Variants in PCDHA4 observed in about 807,000 individuals in gnomAD.
PCDHA4 encodes protocadherin alpha 4, also known as protocadherin alpha-4.
PCDHA4 carries 49 observed loss-of-function variants against 61.4 expected under a neutral mutation model. The observed-to-expected ratio is 0.80, with a 90% CI of 0.63 to 1.01. PCDHA4 has a LOEUF of 1.01. Ranked by LOEUF, PCDHA4 falls within the 50% of genes least tolerant of loss-of-function variation. PCDHA4 has a pLI of 0.00. For synonymous variants in PCDHA4, 590 were observed against 550.3 expected, an observed-to-expected ratio of 1.07 and a Z score of -1.01; for missense variants, 1,254 against 1,235.8, an observed-to-expected ratio of 1.01 and a Z score of -0.22.
chr5:140,862,903 C>T lies in PCDHA4; in HGVS notation c.2385+53331C>T, dbSNP rs7714617. 5.0e-3 allele frequency: 2,780 copies of T among 551,318 alleles called. 56 individuals are homozygous for T. Among genetic ancestry groups the T allele is most frequent in the African/African-American group, 0.05 (2,518 of 50,680 alleles). 34.2% of individuals were successfully genotyped at this position (551,318 alleles called of 1,614,324 possible). ...TGCTGGAACGACAACTTTGTCTGCG[C>T]TGCTGGCGCCTTGGGTGGGCTGGCG... On this transcript the variant is annotated intron_variant, in intron 1 of 3. Transcript: ENST00000530339.
chr5:140,842,481 G>T (rs1554139090), intron 1 of PCDHA4: 1 of 1,613,806 alleles, frequency 6.2e-7, no homozygotes, highest in East Asian at 2.2e-5. Flanking sequence ...CAGGTGACCT[G>T]CTCCCTGATG....
chr5:140,828,445 T>G (rs1769755224), intron 1 of PCDHA4: 1 of 1,614,218 alleles, frequency 6.2e-7, no homozygotes, highest in Non-Finnish European at 8.5e-7. Context: ...AGGTTTTCCA[T>G]GTGGACGTGG....
At chr5:140,877,041 A>C (rs782570873) in intron 1 of PCDHA4, 1 of 1,612,586 alleles carries the variant, frequency 6.2e-7, no homozygotes, top group Non-Finnish European at 8.5e-7. Context: ...TGCAGCCGCT[A>C]GACCACGAGG....
chr5:140,846,306 A>G (rs1444661370), intron 1 of PCDHA4, among the ~76,000 whole-genome samples: 4 of 147,710 alleles, frequency 2.7e-5, no homozygotes, highest in South Asian at 4.3e-4. Context: ...TAAGTAAACC[A>G]TTTATGTAGA....
intron 1 of PCDHA4, chr5:140,967,333 C>T (rs113984883): frequency 1.9e-6 from 3 of 1,608,148 alleles, no homozygotes; most frequent in Admixed American, 1.7e-5. Context: ...AGCTCAGCCC[C>T]AGCGAGCACT....
chr5:140,973,825 T>A (rs1253333011), intron 1 of PCDHA4, among the ~76,000 whole-genome samples: 5 of 152,246 alleles, frequency 3.3e-5, no homozygotes, highest in Non-Finnish European at 5.9e-5. Context: ...AAGTCAGTTC[T>A]GGGTACTTGC....
intron 1 of PCDHA4, among the ~76,000 whole-genome samples, chr5:140,918,860 A>G (rs1264660506): frequency 6.6e-6 from 1 of 152,218 alleles, no homozygotes; most frequent in Non-Finnish European, 1.5e-5. Context: ...TGCCTGAATC[A>G]TGAACTTTCA....
intron 1 of PCDHA4, chr5:140,828,325 T>C (rs2150154082): frequency 6.2e-7 from 1 of 1,614,220 alleles, no homozygotes. Flanking sequence ...TGGAGGTAAA[T>C]CTGCAGAATG....
intron 1 of PCDHA4, chr5:140,870,942 G>T (rs782286042): frequency 1.2e-6 from 2 of 1,613,740 alleles, no homozygotes; most frequent in Non-Finnish European, 1.7e-6. Flanking sequence ...TGCAGCCGGC[G>T]GCGGGCGGCT....
intron 1 of PCDHA4, chr5:140,870,593 G>A (rs991131905): frequency 6.2e-7 from 1 of 1,613,572 alleles, no homozygotes; most frequent in Non-Finnish European, 8.5e-7. Flanking sequence ...GTGGAGCGGC[G>A]GTTGGGCGAC....
intron 1 of PCDHA4, chr5:140,830,373 G>C (rs2150185640): frequency 1.2e-6 from 2 of 1,614,144 alleles, no homozygotes; most frequent in South Asian, 2.2e-5. Flanking sequence ...GTGTGCTCCG[G>C]GGAGGGCCCA....
chr5:140,810,945 T>C (rs1375280990), intron 1 of PCDHA4: 3 of 152,180 alleles, frequency 2.0e-5, no homozygotes, highest in Non-Finnish European at 4.4e-5. Context: ...CTACAATCCA[T>C]TTGGAATATA....
At chr5:140,838,077 AGTGT>A (rs2150283763) in intron 1 of PCDHA4, among the ~76,000 whole-genome samples, 8,027 of 79,764 alleles carry the variant, frequency 0.1, 265 homozygotes, top group South Asian at 0.12. Flanking sequence ...ATATATATAT[AGTGT>A]GTGTGTGTGT....
chr5:140,912,860 G>T (rs1554195574), intron 1 of PCDHA4, among the ~76,000 whole-genome samples: 1 of 152,182 alleles, frequency 6.6e-6, no homozygotes, highest in South Asian at 2.1e-4. Flanking sequence ...CAATTGAAAT[G>T]ATATATGGTT....
At chr5:140,918,324 A>G (rs782356672) in intron 1 of PCDHA4, among the ~76,000 whole-genome samples, 1 of 152,058 alleles carries the variant, frequency 6.6e-6, no homozygotes, top group Non-Finnish European at 1.5e-5. Flanking sequence ...ATAAAATTAT[A>G]TTGTCTGCTA....
chr5:140,825,376 AATATCTAAT>A (rs1315451832), intron 1 of PCDHA4: 2 of 146,378 alleles, frequency 1.4e-5, no homozygotes, highest in Non-Finnish European at 3.0e-5. Context: ...AAATATCTAA[AATATCTAAT>A]ATATATCTAA....
chr5:140,833,695 T>G (rs2150210401), intron 1 of PCDHA4, among the ~76,000 whole-genome samples: 1 of 152,154 alleles, frequency 6.6e-6, no homozygotes, highest in Non-Finnish European at 1.5e-5. Context: ...TCTTATTTTG[T>G]TTTCCCAAGA....
chr5:140,883,915 G>A, intron 1 of PCDHA4: 1 of 1,613,348 alleles, frequency 6.2e-7, no homozygotes, highest in Non-Finnish European at 8.5e-7. Context: ...GCAGCAACGT[G>A]ACGCTGCAGG....
chr5:140,843,571 C>T lies in PCDHA4; in HGVS notation c.2385+33999C>T, dbSNP rs1230037847. ...CCAGTGCGGTGGGGAGCTGGTCATA[C>T]TCGCAACAACAGCCGCAGAGGGTGT... On this transcript the variant is annotated intron_variant, in intron 1 of 3. Transcript: ENST00000530339. The T allele has an allele frequency of 3.8e-6, 6 of 1,595,858 alleles. 1 individual carries two copies. In the African/African-American group the frequency reaches 8.1e-5, roughly 21 times the overall value.
Sources: gnomAD v4.1 joint callset for allele counts (sites outside exome capture counted in the v4.1 genomes callset) on GRCh38, gnomAD v4.1.1 for gene constraint, MANE v1.5 for transcripts, NCBI Gene and HGNC (gene_info 2026-07-23, HGNC 2026-07-21) for gene names.